Variants in CCNT1 observed in about 807,000 individuals in gnomAD.
CCNT1 encodes cyclin T1, also known as cyclin-T1.
Under a neutral mutation model 67.3 loss-of-function variants are expected in CCNT1, and 18 were observed. The observed-to-expected ratio is 0.27, with a 90% CI of 0.18 to 0.40. The LOEUF (loss-of-function observed/expected upper bound fraction) is 0.40, where lower values mean the gene tolerates loss of function less well. Among genes scored for constraint, CCNT1 ranks in the 10% least tolerant of loss-of-function variants. The pLI is 1.00. For missense variants in CCNT1, 744 were observed against 884.9 expected (o/e 0.84, Z 2.02); for synonymous variants, 333 against 310.3 (o/e 1.07, Z -0.77).
At chr12:48,713,382 ATAATG>A (rs1344838475) in intron 2 of CCNT1, among the ~76,000 whole-genome samples, 1 of 152,178 alleles carries the variant, frequency 6.6e-6, no homozygotes, top group Admixed American at 6.6e-5. Context: ...TTATTATTAC[ATAATG>A]TGCTTTCCCC....
intron 3 of CCNT1, among the ~76,000 whole-genome samples, chr12:48,702,419 C>T (rs916118266): frequency 3.9e-5 from 6 of 152,352 alleles, no homozygotes; most frequent in African/African-American, 1.4e-4. Context: ...TGTAGCCATT[C>T]ATCACTTGAA....
Position 48,688,803 on chromosome 12 carries a change from T to C in CCNT1, c.*4230A>G, listed in dbSNP as rs1408035825. 2 of 140,938 alleles carry C rather than the reference T, an allele frequency of 1.4e-5. No homozygotes were observed. Among genetic ancestry groups the C allele is most frequent in the African/African-American group, 2.5e-5 (1 of 40,294 alleles). The allele number at this position is 140,938 out of a possible 1,614,324, so 8.7% of individuals were successfully genotyped here. A position where few individuals can be genotyped will look rare whatever the true frequency, so the allele number is the denominator to read the frequency against. On this transcript the variant is annotated 3_prime_UTR_variant, in exon 9 of 9. Coordinates refer to ENST00000261900, the MANE Select transcript of CCNT1 (RefSeq NM_001240.4). ...GTACCTGAGTGACAGATTGGTAAAG[T>C]GTTTTACTTTTTTTTTTCTTTTCGC...
intron 2 of CCNT1, among the ~76,000 whole-genome samples, chr12:48,708,473 G>A (rs948858061): frequency 6.6e-6 from 1 of 152,008 alleles, no homozygotes; most frequent in African/African-American, 2.4e-5. Flanking sequence ...CTTGAACCCA[G>A]GAGGTGGGGG....
In CCNT1 at chr12:48,698,169, C is replaced by G. The variant is rs1940207867; in HGVS notation, c.511G>C (p.Ala171Pro). 1 of 1,216,360 alleles carries G rather than the reference C, an allele frequency of 8.2e-7. No individual in the cohort carries two copies. The highest frequency in any genetic ancestry group is 1.1e-6 in the Non-Finnish European group (1 of 874,366). 75.3% of individuals were successfully genotyped at this position (1,216,360 alleles called of 1,614,324 possible). The change falls in exon 6 of 9, where the codon GCA becomes CCA. Residue 171 changes from alanine (A) to proline (P), a missense_variant. Coordinates refer to ENST00000261900, the MANE Select transcript of CCNT1 (RefSeq NM_001240.4). ...TQLVRASKDLAQTSYFMATNS... is the reference protein window; with the variant it reads ...TQLVRASKDLPQTSYFMATNS... ...GTTGCCATGAAGTAAGAAGTCTGTG[C>G]TAAGTCCTTGCTTGCTAAAGAAAAA...
intron 2 of CCNT1, 96 bp from the exon 3 acceptor site, chr12:48,705,992 T>C (rs1000211999): frequency 1.6e-6 from 2 of 1,239,556 alleles, no homozygotes; most frequent in Non-Finnish European, 2.2e-6. Flanking sequence ...ATCAAGTTAT[T>C]TGCTTGCCTC....
intron 6 of CCNT1, 77 bp from the exon 7 acceptor site, chr12:48,696,239 TAAAAAAA>T (rs71080140): frequency 4.4e-4 from 32 of 72,018 alleles, no homozygotes; most frequent in Admixed American, 2.6e-3. Flanking sequence ...CTCCATTATT[TAAAAAAA>T]AAAAAAAAAA....
At chr12:48,700,379 G>A (rs780228097) in intron 4 of CCNT1, among the ~76,000 whole-genome samples, 1 of 149,910 alleles carries the variant, frequency 6.7e-6, no homozygotes, top group Non-Finnish European at 1.5e-5. Flanking sequence ...GATAAACTTT[G>A]AAGAACTCAT....
Position 48,691,925 on chromosome 12 carries a change from T to C in CCNT1, c.*1108A>G, listed in dbSNP as rs1940080909. The C allele has an allele frequency of 6.6e-6, 1 of 152,196 alleles. No homozygotes were observed. The highest frequency in any genetic ancestry group is 2.1e-4 in the South Asian group (1 of 4,836). 9.4% of individuals were successfully genotyped at this position (152,196 alleles called of 1,614,324 possible). On this transcript the variant is annotated 3_prime_UTR_variant, in exon 9 of 9. Coordinates refer to ENST00000261900, the MANE Select transcript of CCNT1 (RefSeq NM_001240.4). Reference sequence around the variant, plus strand: ...TTAGTATCCTCTAGCTTCTCCCATATGGTTTGGGCTTTCACAGGCAGGATA... The same window carrying C: ...TTAGTATCCTCTAGCTTCTCCCATACGGTTTGGGCTTTCACAGGCAGGATA...
In CCNT1 at chr12:48,693,646, T is replaced by C. The variant is rs2137222213; in HGVS notation, c.1568A>G (p.His523Arg). 1 of 1,614,124 alleles carries C rather than the reference T, an allele frequency of 6.2e-7. No individual in the cohort carries two copies. Among genetic ancestry groups the C allele is most frequent in the Non-Finnish European group, 8.5e-7 (1 of 1,180,044 alleles). The change falls in exon 9 of 9, where the codon CAC becomes CGC. Residue 523 changes from histidine to arginine, a missense_variant. Coordinates refer to ENST00000261900, the MANE Select transcript of CCNT1 (RefSeq NM_001240.4). The stretch of plus-strand genomic sequence containing the variant: ...GGAATGAGAGTGCTTGTGTGAGTGG[T>C]GATTATGATGATGATGATGATTAGA... ...HPSNHHHHHN[H>R]HSHKHSHSQL...
intron 4 of CCNT1, among the ~76,000 whole-genome samples, chr12:48,700,370 A>G (rs985717193): frequency 2.6e-5 from 4 of 151,708 alleles, no homozygotes; most frequent in African/African-American, 9.7e-5. Flanking sequence ...AAATTGAGAG[A>G]TAAACTTTGA....
chr12:48,708,908 T>C (rs893836963), intron 2 of CCNT1, among the ~76,000 whole-genome samples: 2 of 152,090 alleles, frequency 1.3e-5, no homozygotes, highest in Non-Finnish European at 2.9e-5. Flanking sequence ...CTGAGCAACA[T>C]AGCAAGACCT....
At position 48,689,713 on chromosome 12, in the gene CCNT1, T is replaced by C. The variant is rs796509306; in HGVS notation, c.*3320A>G. 2.6e-5 allele frequency: 4 copies of C among 152,308 alleles called. No individual in the cohort carries two copies. The highest frequency in any genetic ancestry group is 7.2e-5 in the African/African-American group (3 of 41,560). The allele number at this position is 152,308 out of a possible 1,614,324, so 9.4% of individuals were successfully genotyped here. A position where few individuals can be genotyped will look rare whatever the true frequency, so the allele number is the denominator to read the frequency against. On this transcript the variant is annotated 3_prime_UTR_variant, in exon 9 of 9. Coordinates refer to ENST00000261900, the MANE Select transcript of CCNT1 (RefSeq NM_001240.4). ...TCCCAAAATAACGGAAACACAGATA[T>C]GTTTAAAATCCAACCATACTGGGAT...
At position 48,693,544 on chromosome 12, in the gene CCNT1, T is replaced by G. The variant is rs1215092061; in HGVS notation, c.1670A>C (p.Lys557Thr). Residue 557 changes from lysine (K) to threonine (T), a missense_variant, in exon 9 of 9, where the codon AAA (lysine) becomes ACA (threonine). By Grantham distance (78) the Lys-to-Thr change is moderately conservative. This residue lies in a region of CCNT1 where 564 missense variants were observed against 574.2 expected (regional missense o/e 0.98). Coordinates refer to ENST00000261900, the MANE Select transcript of CCNT1 (RefSeq NM_001240.4). The stretch of plus-strand genomic sequence containing the variant: ...AAAAGAACTAGACAAGCTATAGGTT[T>G]TATGTGCTAAGTTGCTTGTCTGGCT... ...HSSQTSNLAH[K>T]TYSLSSSFSS... 2 of 1,614,016 alleles carry G rather than the reference T, an allele frequency of 1.2e-6. No individual in the cohort carries two copies. Among genetic ancestry groups the G allele is most frequent in the Non-Finnish European group, 1.7e-6 (2 of 1,180,026 alleles).
intron 1 of CCNT1, among the ~76,000 whole-genome samples, chr12:48,714,846 T>A (rs934431396): frequency 3.3e-5 from 5 of 151,850 alleles, no homozygotes; most frequent in Non-Finnish European, 7.4e-5. Flanking sequence ...TGGCTCACAC[T>A]CTGTCGCCCA....
rs569885936 is a variant in CCNT1 at position 48,700,184 on chromosome 12, T to A, written c.434-344A>T. Among the ~76,000 whole-genome samples, 228 of 151,854 alleles carry A rather than the reference T, an allele frequency of 1.5e-3. 1 individual carries two copies. Among genetic ancestry groups the A allele is most frequent in the African/African-American group, 5.0e-3 (209 of 41,392 alleles). ...AATACAAAAATTTAGCTGGGCGTGG[T>A]GGCGGGCGCCTGTAGTCCCAGCTAC... On this transcript the variant is annotated intron_variant, in intron 4 of 8. Transcript: ENST00000261900.
At chr12:48,697,314 G>A (rs908209172) in intron 6 of CCNT1, among the ~76,000 whole-genome samples, 9 of 151,436 alleles carry the variant, frequency 5.9e-5, no homozygotes, top group African/African-American at 9.7e-5. Context: ...GAGGCCAGGA[G>A]TTTGAGACCA....
At chr12:48,706,924 G>A (rs2137238579) in intron 2 of CCNT1, among the ~76,000 whole-genome samples, 1 of 152,114 alleles carries the variant, frequency 6.6e-6, no homozygotes, top group East Asian at 1.9e-4. Context: ...ATTTTTTTAG[G>A]CCAGACACAG....
At chr12:48,698,465 T>G (rs1357059834) in intron 5 of CCNT1, among the ~76,000 whole-genome samples, 1 of 152,198 alleles carries the variant, frequency 6.6e-6, no homozygotes, top group Non-Finnish European at 1.5e-5. Context: ...TAAATGCAAT[T>G]CTTGGACCTG....
intron 4 of CCNT1, among the ~76,000 whole-genome samples, chr12:48,700,209 C>A (rs1705794798): frequency 6.6e-6 from 1 of 151,526 alleles, no homozygotes; most frequent in Non-Finnish European, 1.5e-5. Flanking sequence ...GTCCCAGCTA[C>A]TCTGGAGGCT....
Sources: allele counts gnomAD v4.1 joint callset (sites outside exome capture counted in the v4.1 genomes callset), GRCh38; gene constraint gnomAD v4.1.1; regional missense constraint gnomAD v4.1.1; transcripts MANE v1.5; gene names NCBI Gene and HGNC (gene_info 2026-07-23, HGNC 2026-07-21).